The following PPIL4 variants were observed in gnomAD, a reference collection of about 807,000 sequenced individuals.
The protein encoded by PPIL4 is peptidyl-prolyl cis-trans isomerase-like 4.
A neutral mutation model predicts 69.1 loss-of-function variants in PPIL4; 50 were observed. The ratio of observed to expected loss-of-function variants is 0.72; its 90% CI spans 0.58 to 0.92. The LOEUF (loss-of-function observed/expected upper bound fraction) is 0.92. Ranked by LOEUF, PPIL4 falls within the 40% of genes least tolerant of loss-of-function variation. The pLI is 0.00. For missense variants in PPIL4, 480 were observed against 587.9 expected, an observed-to-expected ratio of 0.82 and a Z score of 1.90; for synonymous variants, 193 against 191.6, an observed-to-expected ratio of 1.01 and a Z score of -0.06.
At chr6:149,509,349 C>A (rs1242841325) in intron 12 of PPIL4, among the ~76,000 whole-genome samples, 1 of 152,128 alleles carries the variant, frequency 6.6e-6, no homozygotes, top group East Asian at 1.9e-4. Flanking sequence ...AAAACACAAC[C>A]AGTCTGAAAT....
chr6:149,518,966 G>A (rs1776987364), intron 10 of PPIL4, among the ~76,000 whole-genome samples: 1 of 152,188 alleles, frequency 6.6e-6, no homozygotes, highest in African/African-American at 2.4e-5. Context: ...TACACATTAA[G>A]TTTATAAATG....
Position 149,525,469 on chromosome 6 carries a change from T to C in PPIL4, c.804-260A>G, listed in dbSNP as rs192429577. Among the ~76,000 whole-genome samples, 984 of 152,328 alleles carry C rather than the reference T, an allele frequency of 6.5e-3. 11 individuals carry two copies. The highest frequency in any genetic ancestry group is 0.022 in the African/African-American group (934 of 41,576). ...ATTCCCTTAAGCACTGAAGTAAGAA[T>C]AAAAATATTTAATTTTCCTTTGGCA... On this transcript the variant is annotated intron_variant, in intron 8 of 12. Coordinates refer to ENST00000253329, the MANE Select transcript of PPIL4 (RefSeq NM_139126.4).
intron 9 of PPIL4, among the ~76,000 whole-genome samples, chr6:149,522,678 T>C (rs1374283805): frequency 6.6e-6 from 1 of 152,226 alleles, no homozygotes; most frequent in East Asian, 1.9e-4. Context: ...AGTGGTGCGA[T>C]GCTGGCTCAC....
In PPIL4 at chr6:149,519,492, T is replaced by C. The variant is rs75872126; in HGVS notation, c.982+1568A>G. The stretch of plus-strand genomic sequence containing the variant: ...AATTTTCATATGTGGAAAAAAATCT[T>C]AGTGCTTCAATTTAGGTTTCACAAA... On this transcript the variant is annotated intron_variant, in intron 10 of 12. Transcript: ENST00000253329. Among the ~76,000 whole-genome samples, 8 of 152,306 alleles carry C rather than the reference T, an allele frequency of 5.3e-5. No individual in the cohort carries two copies. The South Asian group carries it at 1.7e-3, about 32-fold the overall frequency.
intron 7 of PPIL4, among the ~76,000 whole-genome samples, chr6:149,529,473 T>TA (rs1056040257): frequency 2.7e-5 from 4 of 149,858 alleles, no homozygotes; most frequent in Admixed American, 1.3e-4. Flanking sequence ...TAAAAAAAAT[T>TA]AAAAAAAGGG....
chr6:149,505,591 T>C lies in PPIL4; in HGVS notation c.1341A>G (p.Arg447=). 2 of 1,614,198 alleles carry C rather than the reference T, an allele frequency of 1.2e-6. No homozygotes were observed. The highest frequency in any genetic ancestry group is 1.7e-6 in the Non-Finnish European group (2 of 1,180,026). The change falls in exon 13 of 13, where the codon CGA becomes CGG. Residue 447 remains arginine (R), a synonymous_variant. Coordinates refer to ENST00000253329, the MANE Select transcript of PPIL4 (RefSeq NM_139126.4). The part of the protein sequence containing the change: ...RTQNRSRSRS[R]ERDGHYSNSH... ...TATTACTATAATGGCCATCCCTCTCTCGAGATCGGCTACGACTTCGGTTCT... is the reference window on the plus strand; with the variant it reads ...TATTACTATAATGGCCATCCCTCTCCCGAGATCGGCTACGACTTCGGTTCT...
intron 4 of PPIL4, 74 bp downstream of exon 4, chr6:149,540,868 T>G: frequency 2.1e-6 from 2 of 938,572 alleles, no homozygotes; most frequent in Admixed American, 3.8e-5. Flanking sequence ...CTGGATAGTT[T>G]AAAAAATAAC....
rs144211370 is a variant in PPIL4 at position 149,544,477 on chromosome 6, A to G, written c.70+1459T>C. Among the ~76,000 whole-genome samples the G allele has an allele frequency of 2.6e-5, 4 of 152,334 alleles. No individual in the cohort carries two copies. The East Asian group carries it at 7.7e-4, about 29-fold the overall frequency. On this transcript the variant is annotated intron_variant, in intron 1 of 12. Coordinates refer to ENST00000253329, the MANE Select transcript of PPIL4 (RefSeq NM_139126.4). ...AGGATATAGAGATGATAATTATGGT[A>G]TAGTTCCTGCTCTCATTGGAGTTTA...
chr6:149,511,017 T>C (rs1249428958), intron 12 of PPIL4, among the ~76,000 whole-genome samples: 2 of 152,140 alleles, frequency 1.3e-5, no homozygotes, highest in Admixed American at 1.3e-4. Flanking sequence ...GTCACTTTGA[T>C]GGCCAGCAGT....
intron 1 of PPIL4, among the ~76,000 whole-genome samples, chr6:149,543,096 G>C (rs1009086113): frequency 6.6e-6 from 1 of 152,120 alleles, no homozygotes; most frequent in African/African-American, 2.4e-5. Context: ...AATCCGATGG[G>C]AACAATTTAT....
chr6:149,535,791 T>C, intron 4 of PPIL4, 53 bp from the exon 5 acceptor site: 1 of 1,324,922 alleles, frequency 7.5e-7, no homozygotes, highest in African/African-American at 1.5e-5. Flanking sequence ...TAACTCAAAC[T>C]GAAATCAGTT....
chr6:149,532,208 T>C (rs1225132596), intron 7 of PPIL4, among the ~76,000 whole-genome samples: 1 of 152,158 alleles, frequency 6.6e-6, no homozygotes, highest in African/African-American at 2.4e-5. Flanking sequence ...TGTAGCAAAA[T>C]GTTAAAAATT....
chr6:149,505,357 C>T lies in PPIL4; in HGVS notation c.*96G>A. ...CATAATCCTAGTATGAAAAAAATAA[C>T]AAGCTTTGACACAAAATCTAAGCAT... On this transcript the variant is annotated 3_prime_UTR_variant, in exon 13 of 13. Coordinates refer to ENST00000253329, the MANE Select transcript of PPIL4 (RefSeq NM_139126.4). The T allele has an allele frequency of 5.1e-6, 6 of 1,180,452 alleles. No individual in the cohort carries two copies. The highest frequency in any genetic ancestry group is 4.8e-6 in the Non-Finnish European group (4 of 834,124). 73.1% of individuals were successfully genotyped at this position (1,180,452 alleles called of 1,614,324 possible).
chr6:149,511,954 C>A (rs1776850071), intron 12 of PPIL4, among the ~76,000 whole-genome samples: 1 of 152,132 alleles, frequency 6.6e-6, no homozygotes, highest in Non-Finnish European at 1.5e-5. Context: ...TAAGTTATGT[C>A]AAAAATGATC....
chr6:149,543,884 T>C (rs1161229259), intron 1 of PPIL4, among the ~76,000 whole-genome samples: 3 of 152,216 alleles, frequency 2.0e-5, no homozygotes, highest in Non-Finnish European at 4.4e-5. Context: ...TACATCTGTG[T>C]TTTAAATTTT....
chr6:149,505,227 CT>C lies in PPIL4; in HGVS notation c.*225del. On this transcript the variant is annotated 3_prime_UTR_variant, in exon 13 of 13. Coordinates refer to ENST00000253329, the MANE Select transcript of PPIL4 (RefSeq NM_139126.4). ...AAATGTAAGACTTCAAAAATGAAGA[CT>C]ACCATTTATGTATAACAATAAAATT... is the stretch of plus-strand genomic sequence containing the variant. 1 of 395,964 alleles carries C rather than the reference CT, an allele frequency of 2.5e-6. No homozygotes were observed. Among genetic ancestry groups the C allele is most frequent in the Non-Finnish European group, 4.5e-6 (1 of 223,298 alleles). 24.5% of individuals were successfully genotyped at this position (395,964 alleles called of 1,614,324 possible). A position where few individuals can be genotyped will look rare whatever the true frequency, so the allele number is the denominator to read the frequency against.
chr6:149,543,478 C>T (rs1777394357), intron 1 of PPIL4, among the ~76,000 whole-genome samples: 1 of 152,114 alleles, frequency 6.6e-6, no homozygotes, highest in Admixed American at 6.5e-5. Context: ...TAATTTAAAT[C>T]ACCATATTTT....
chr6:149,541,303 T>G, intron 3 of PPIL4, 64 bp downstream of exon 3: 1 of 700,558 alleles, frequency 1.4e-6, no homozygotes. Context: ...GTTCTGCCCT[T>G]CCAGAGGTTA....
At chr6:149,544,824 G>A (rs1777414735) in intron 1 of PPIL4, among the ~76,000 whole-genome samples, 1 of 152,162 alleles carries the variant, frequency 6.6e-6, no homozygotes, top group Admixed American at 6.5e-5. Flanking sequence ...GCGTGCGAGG[G>A]AAAGCGGAGC....
Sources: allele counts gnomAD v4.1 joint callset (sites outside exome capture counted in the v4.1 genomes callset), GRCh38; gene constraint gnomAD v4.1.1; transcripts MANE v1.5; gene names NCBI Gene and HGNC (gene_info 2026-07-23, HGNC 2026-07-21).